TTC21A: variants seen among roughly 807,000 people sequenced by gnomAD.
TTC21A encodes the protein tetratricopeptide repeat domain 21A, also known as tetratricopeptide repeat protein 21A.
A neutral mutation model predicts 156.4 loss-of-function variants in TTC21A; 128 were observed. That is an observed-to-expected ratio of 0.82 (90% CI 0.71 to 0.95). The LOEUF (loss-of-function observed/expected upper bound fraction) is 0.95. Ranked by LOEUF, TTC21A falls within the 40% of genes least tolerant of loss-of-function variation. The pLI, the probability that TTC21A is intolerant of heterozygous loss-of-function variation, is 0.00. For missense variants in TTC21A, 1,435 were observed against 1,602.3 expected, an observed-to-expected ratio of 0.90 and a Z score of 1.78; for synonymous variants, 587 against 617.1, an observed-to-expected ratio of 0.95 and a Z score of 0.72.
intron 10 of TTC21A, 63 bp downstream of exon 10, chr3:39,125,223 C>T (rs896644419): frequency 1.3e-5 from 20 of 1,535,352 alleles, no homozygotes; most frequent in South Asian, 2.2e-5. Context: ...CTCCCACCCC[C>T]ACTTTCCAAT....
intron 22 of TTC21A, among the ~76,000 whole-genome samples, chr3:39,136,031 C>T (rs2039085310): frequency 6.7e-6 from 1 of 150,362 alleles, no homozygotes. Flanking sequence ...GCACTCCAGC[C>T]TGGGTGACAG....
At position 39,137,176 on chromosome 3, in the gene TTC21A, C is replaced by T; in HGVS notation, c.3258-19C>T. ...CAGGCCACCGGCCTGTGTCTGATACCCAGGTCTAACACCTGCAGCTACATG... is the reference window on the plus strand; with the variant it reads ...CAGGCCACCGGCCTGTGTCTGATACTCAGGTCTAACACCTGCAGCTACATG... On this transcript the variant is annotated intron_variant, in intron 24 of 28. Coordinates refer to ENST00000683103, the MANE Select transcript of TTC21A (RefSeq NM_001366900.1). 3 of 1,606,644 alleles carry T rather than the reference C, an allele frequency of 1.9e-6. No homozygotes were observed. Among genetic ancestry groups the T allele is most frequent in the Non-Finnish European group, 2.6e-6 (3 of 1,174,962 alleles).
chr3:39,124,753 T>G (rs2038079651), intron 9 of TTC21A, among the ~76,000 whole-genome samples: 1 of 151,796 alleles, frequency 6.6e-6, no homozygotes, highest in Non-Finnish European at 1.5e-5. Context: ...TATGCTCATG[T>G]GTACATATAT....
At chr3:39,107,949 C>T (rs2036367828) in intron 1 of TTC21A, 85 bp downstream of exon 1, 1 of 1,529,516 alleles carries the variant, frequency 6.5e-7, no homozygotes, top group Non-Finnish European at 9.0e-7. Flanking sequence ...ACTCTCCTGC[C>T]ACCCTTCGCT....
At chr3:39,126,124 A>T in intron 11 of TTC21A, 137 bp from the exon 12 acceptor site, 3 of 1,080,356 alleles carry the variant, frequency 2.8e-6, no homozygotes, top group Non-Finnish European at 4.1e-6. Flanking sequence ...TGCTCTAAGC[A>T]CTAGGTGATA....
intron 10 of TTC21A, 75 bp downstream of exon 10, chr3:39,125,235 G>A (rs1437515266): frequency 6.5e-7 from 1 of 1,539,958 alleles, no homozygotes; most frequent in Admixed American, 1.7e-5. Context: ...CTTTCCAATA[G>A]AAAGCATGCA....
rs752088976 is a variant in TTC21A, at chr3:39,136,474, C to T, written c.3062C>T (p.Pro1021Leu). ...GTGTCTAGCCGGGTGCCTTTGGAAC[C>T]AGGGTTCAATTACTGCAGAGGTATC... ...KKVSSRVPLEPGFNYCRGIYC... is the reference protein window; with the variant it reads ...KKVSSRVPLELGFNYCRGIYC... Residue 1021 changes from proline (P) to leucine (L), a missense_variant, in exon 23 of 29, where the codon CCA becomes CTA. Pro to Leu is a moderately conservative substitution (Grantham distance 98, BLOSUM62 -3). Transcript: ENST00000683103. 2 of 1,614,236 alleles carry T rather than the reference C, an allele frequency of 1.2e-6. No individual in the cohort carries two copies. The highest frequency in any genetic ancestry group is 2.2e-5 in the South Asian group (2 of 91,084).
intron 7 of TTC21A, chr3:39,119,596 A>G (rs535931672): frequency 1.2e-5 from 2 of 162,674 alleles, no homozygotes; most frequent in Admixed American, 6.7e-5. Flanking sequence ...GAACAGGGCT[A>G]CTCTATGGGT....
Position 39,114,699 on chromosome 3 carries a change from T to G in TTC21A, c.673T>G (p.Leu225Val), listed in dbSNP as rs754040691. Residue 225 changes from leucine to valine, a missense_variant, in exon 6 of 29, where the codon TTA (leucine) becomes GTA (valine). Leu to Val is a conservative substitution (Grantham distance 32). Transcript: ENST00000683103. ...CCTCGTCCTGAAGATGCAGCTGTTC[T>G]TAGCTCGGCAGGACTGGGAGCAGAC... ...PALVLKMQLF[L>V]ARQDWEQTVE... The G allele has an allele frequency of 6.2e-6, 10 of 1,614,120 alleles. No homozygotes were observed. The highest frequency in any genetic ancestry group is 8.5e-6 in the Non-Finnish European group (10 of 1,180,046).
chr3:39,107,756 T>C lies in TTC21A; in HGVS notation c.-82T>C. 2 of 1,590,248 alleles carry C rather than the reference T, an allele frequency of 1.3e-6. No homozygotes were observed. Among genetic ancestry groups the C allele is most frequent in the East Asian group, 2.2e-5 (1 of 44,736 alleles). On this transcript the variant is annotated 5_prime_UTR_variant, in exon 1 of 29. Transcript: ENST00000683103. ...TAACGCCTTCAACCGCCCGCCGCGA[T>C]AGAGTGCCCACGACCCTGCCTCGGG...
chr3:39,137,514 TG>T lies in TTC21A; in HGVS notation c.3481del (p.Ala1161HisfsTer7). The T allele has an allele frequency of 6.2e-7, 1 of 1,614,218 alleles. No homozygotes were observed. The highest frequency in any genetic ancestry group is 1.3e-5 in the African/African-American group (1 of 75,042). On this transcript the variant is annotated frameshift_variant, in exon 26 of 29. Coordinates refer to ENST00000683103, the MANE Select transcript of TTC21A (RefSeq NM_001366900.1). LOFTEE classifies it high-confidence loss of function. ...GACAGCGTCCCTGCCCTGCTGGCCT[TG>T]GCACAAGCCTACGTGTTCCTGAAGC... ...EKDSVPALLA[L>X]AQAYVFLKQI...
chr3:39,110,957 C>A lies in TTC21A; in HGVS notation c.375C>A (p.Arg125=). The part of the protein sequence containing the change: ...YAGLFLWLIG[R]HDKAKEYIDR... ...GCCTTTTCCTCTGGCTCATAGGCCG[C>A]CATGACAAGGCCAAAGAGTACATTG... Residue 125 remains arginine, a synonymous_variant, in exon 4 of 29, where the codon CGC becomes CGA. Transcript: ENST00000683103. The A allele has an allele frequency of 6.2e-7, 1 of 1,613,958 alleles. No individual in the cohort carries two copies. Among genetic ancestry groups the A allele is most frequent in the Non-Finnish European group, 8.5e-7 (1 of 1,179,960 alleles).
chr3:39,118,429 A>G, intron 7 of TTC21A: 4 of 524,912 alleles, frequency 7.6e-6, no homozygotes, highest in Non-Finnish European at 1.4e-5. Context: ...CCCCACCTGG[A>G]TAAGCCGCAG....
intron 7 of TTC21A, 86 bp downstream of exon 7, chr3:39,118,239 C>G (rs1336739250): frequency 3.8e-6 from 5 of 1,326,128 alleles, no homozygotes. Context: ...ACCCAAAGCC[C>G]TTGTAGGGAG....
chr3:39,117,753 T>A (rs911052340), intron 6 of TTC21A, among the ~76,000 whole-genome samples: 5 of 152,054 alleles, frequency 3.3e-5, no homozygotes, highest in African/African-American at 1.2e-4. Context: ...GCTCACATGG[T>A]CCACATTCCA....
chr3:39,138,733 A>T lies in TTC21A; in HGVS notation c.3887A>T (p.Tyr1296Phe). 1 of 1,613,968 alleles carries T rather than the reference A, an allele frequency of 6.2e-7. No homozygotes were observed. Among genetic ancestry groups the T allele is most frequent in the African/African-American group, 1.3e-5 (1 of 74,968 alleles). ...CNDVLREHPD[Y>F]PKIREEILEK... ...CAGGTCCTCAGGGAGCACCCCGACT[A>T]CCCCAAGATCAGGGAGGAAATTTTG... The change falls in exon 29 of 29, where the codon TAC (tyrosine) becomes TTC (phenylalanine). Residue 1296 changes from tyrosine to phenylalanine, a missense_variant. By Grantham distance (22) the Tyr-to-Phe change is conservative. Coordinates refer to ENST00000683103, the MANE Select transcript of TTC21A (RefSeq NM_001366900.1).
chr3:39,137,612 C>T lies in TTC21A; in HGVS notation c.3577C>T (p.Leu1193=). 6.2e-7 allele frequency: 1 copy of T among 1,614,244 alleles called. No homozygotes were observed. The highest frequency in any genetic ancestry group is 1.3e-5 in the African/African-American group (1 of 75,066). The stretch of plus-strand genomic sequence containing the variant: ...CTGGGTGCTGAGTGAGGCTGAGGAC[C>T]TGGAGAAGAGCTGGCTCCTGCTGGC... ...TPWVLSEAED[L]EKSWLLLADI... Residue 1193 remains leucine, a synonymous_variant, in exon 26 of 29, where the codon CTG becomes TTG. Coordinates refer to ENST00000683103, the MANE Select transcript of TTC21A (RefSeq NM_001366900.1).
At chr3:39,118,751 C>G (rs1039970098) in intron 7 of TTC21A, 5 of 153,124 alleles carry the variant, frequency 3.3e-5, no homozygotes, top group African/African-American at 7.2e-5. Flanking sequence ...AATACCCAGA[C>G]AGGTTCTCAT....
chr3:39,135,278 A>G, intron 22 of TTC21A, 104 bp downstream of exon 22: 1 of 971,130 alleles, frequency 1.0e-6, no homozygotes, highest in Non-Finnish European at 1.7e-6. Context: ...GGGCAGAGGA[A>G]GCCCCTTCCT....
Sources: allele counts gnomAD v4.1 joint callset (sites outside exome capture counted in the v4.1 genomes callset), GRCh38; gene constraint gnomAD v4.1.1; transcripts MANE v1.5; gene names NCBI Gene and HGNC (gene_info 2026-07-23, HGNC 2026-07-21).